The following VWA3B variants were observed in gnomAD, a reference collection of about 807,000 sequenced individuals.
VWA3B encodes the protein von Willebrand factor A domain containing 3B, also known as von Willebrand factor A domain-containing protein 3B.
A neutral mutation model predicts 158.3 loss-of-function variants in VWA3B; 138 were observed. That is an observed-to-expected ratio of 0.87 (90% CI 0.76 to 1.00). The LOEUF is 1.00. Among genes scored for constraint, VWA3B ranks in the 50% least tolerant of loss-of-function variants. VWA3B has a pLI of 0.00. For synonymous variants in VWA3B, 596 were observed against 587.3 expected, an observed-to-expected ratio of 1.01 and a Z score of -0.21; for missense variants, 1,555 against 1,565.1, an observed-to-expected ratio of 0.99 and a Z score of 0.11.
rs919869481 is a variant in VWA3B at position 98,179,563 on chromosome 2, C to T, written c.1115-1453C>T. On this transcript the variant is annotated intron_variant, in intron 8 of 27. Coordinates refer to ENST00000477737, the MANE Select transcript of VWA3B (RefSeq NM_144992.5). ...AGGGGAGGCAGCCTCCTAGCCTTCG[C>T]GTGTTGATCGCCTCCACCTCATCAC... is the stretch of plus-strand genomic sequence containing the variant. Among the ~76,000 whole-genome samples, 3 of 152,176 alleles carry T rather than the reference C, an allele frequency of 2.0e-5. No homozygotes were observed. In the South Asian group the frequency reaches 6.2e-4, roughly 31 times the overall value.
chr2:98,227,169 C>T (rs1684979112), intron 14 of VWA3B, among the ~76,000 whole-genome samples: 1 of 152,168 alleles, frequency 6.6e-6, no homozygotes, highest in Admixed American at 6.5e-5. Flanking sequence ...CCAAAAACTC[C>T]TTCAGCTGAT....
chr2:98,141,643 T>C (rs1333253683), intron 7 of VWA3B, among the ~76,000 whole-genome samples: 6 of 152,180 alleles, frequency 3.9e-5, no homozygotes, highest in Admixed American at 3.3e-4. Flanking sequence ...CAAACTCTTA[T>C]CACTGGGCAT....
intron 14 of VWA3B, among the ~76,000 whole-genome samples, chr2:98,218,512 A>G (rs184649682): frequency 6.6e-6 from 1 of 152,334 alleles, no homozygotes; most frequent in Admixed American, 6.5e-5. Flanking sequence ...TTTGTAGAAA[A>G]TGAAACAATG....
Position 98,312,053 on chromosome 2 carries a change from A to G in VWA3B, c.3735+21A>G, listed in dbSNP as rs760453797. 6 of 1,591,708 alleles carry G rather than the reference A, an allele frequency of 3.8e-6. No homozygotes were observed. In the South Asian group the frequency reaches 4.5e-5, roughly 12 times the overall value. On this transcript the variant is annotated intron_variant, in intron 27 of 27. Transcript: ENST00000477737. ...CCAGGGTTTGGGTGATGGGGGGGGAACACAACATCGCTTATCTCAGGAACA... is the reference window on the plus strand; with the variant it reads ...CCAGGGTTTGGGTGATGGGGGGGGAGCACAACATCGCTTATCTCAGGAACA...
At chr2:98,145,369 G>C (rs1225022227) in intron 7 of VWA3B, among the ~76,000 whole-genome samples, 2 of 152,140 alleles carry the variant, frequency 1.3e-5, no homozygotes, top group African/African-American at 4.8e-5. Flanking sequence ...CATGGAGTAG[G>C]TACTATTATT....
intron 20 of VWA3B, among the ~76,000 whole-genome samples, chr2:98,255,604 T>C (rs1466223037): frequency 6.6e-6 from 1 of 152,082 alleles, no homozygotes; most frequent in Admixed American, 6.5e-5. Context: ...AGCCAGCAGC[T>C]GTGGGTGAGC....
chr2:98,192,493 G>A lies in VWA3B; in HGVS notation c.1467-405G>A, dbSNP rs546324035. Among the ~76,000 whole-genome samples the A allele has an allele frequency of 1.6e-4, 24 of 152,288 alleles. No individual in the cohort carries two copies. In the South Asian group the frequency reaches 2.5e-3, roughly 16 times the overall value. On this transcript the variant is annotated intron_variant, in intron 10 of 27. Transcript: ENST00000477737. ...AGGAGAAGAAATTTCACAAGACAAC[G>A]TCATCAGTTAAGGCAGGAACAGGCC...
At chr2:98,329,846 C>T in the VWA3B span, among the ~76,000 whole-genome samples, 1 of 152,152 alleles carries the variant, frequency 6.6e-6, no homozygotes, top group African/African-American at 2.4e-5. Flanking sequence ...CATCTGTGGG[C>T]AGCAGTTCCT....
At chr2:98,165,979 C>T (rs892014240) in intron 8 of VWA3B, among the ~76,000 whole-genome samples, 21 of 152,032 alleles carry the variant, frequency 1.4e-4, no homozygotes, top group Non-Finnish European at 5.9e-5. Context: ...CTGAATTGTG[C>T]CCCCCCAGTT....
At chr2:98,303,650 A>C in intron 25 of VWA3B, 52 bp from the exon 26 acceptor site, 1 of 1,527,720 alleles carries the variant, frequency 6.5e-7, no homozygotes, top group Non-Finnish European at 9.1e-7. Context: ...TTGTATCTGA[A>C]TTGTGGACAT....
chr2:98,231,049 A>T (rs971397721), intron 16 of VWA3B, among the ~76,000 whole-genome samples: 4 of 152,222 alleles, frequency 2.6e-5, no homozygotes, highest in African/African-American at 9.6e-5. Flanking sequence ...CTCCAAATAA[A>T]ATAAAATAAT....
At chr2:98,228,830 G>A (rs529487899) in intron 15 of VWA3B, 9 of 152,234 alleles carry the variant, frequency 5.9e-5, no homozygotes, top group African/African-American at 1.9e-4. Context: ...CTAATTTGTG[G>A]TTTTTAAACA....
intron 23 of VWA3B, 50 bp from the exon 24 acceptor site, chr2:98,297,857 A>G (rs1163831673): frequency 6.9e-7 from 1 of 1,444,048 alleles, no homozygotes; most frequent in Non-Finnish European, 9.2e-7. Flanking sequence ...AGCCTAAGGG[A>G]AGGGATGTTA....
intron 12 of VWA3B, chr2:98,207,735 G>T (rs1683139197): frequency 5.4e-6 from 2 of 373,624 alleles, no homozygotes; most frequent in African/African-American, 2.1e-5. Flanking sequence ...TTATTGTGAG[G>T]GGTCTTTTTG....
At chr2:98,245,111 G>A (rs1449630846) in intron 19 of VWA3B, among the ~76,000 whole-genome samples, 3 of 152,060 alleles carry the variant, frequency 2.0e-5, no homozygotes, top group Non-Finnish European at 4.4e-5. Context: ...ATTAAAGTAG[G>A]TAATACCTTA....
In VWA3B at chr2:98,193,132, A is replaced by G; in HGVS notation, c.1605+96A>G. The G allele has an allele frequency of 6.1e-6, 9 of 1,466,768 alleles. 1 individual carries two copies. The South Asian group carries it at 6.9e-5, about 11-fold the overall frequency. 90.9% of individuals were successfully genotyped at this position (1,466,768 alleles called of 1,614,324 possible). A position where few individuals can be genotyped will look rare whatever the true frequency, so the allele number is the denominator to read the frequency against. On this transcript the variant is annotated intron_variant, in intron 11 of 27. Coordinates refer to ENST00000477737, the MANE Select transcript of VWA3B (RefSeq NM_144992.5). Reference sequence around the variant, plus strand: ...CTTGTTGCTCTAAAAAATTCCTAAGAAAGCCAAATTCAGAGAAGTACTCCC... The same window carrying G: ...CTTGTTGCTCTAAAAAATTCCTAAGGAAGCCAAATTCAGAGAAGTACTCCC...
chr2:98,148,942 A>T (rs1172242764), intron 7 of VWA3B, among the ~76,000 whole-genome samples: 1 of 152,210 alleles, frequency 6.6e-6, no homozygotes. Flanking sequence ...ATAAACGTTC[A>T]TCTTGAATGT....
intron 4 of VWA3B, 23 bp from the exon 5 acceptor site, chr2:98,121,276 C>T (rs772918000): frequency 6.2e-7 from 1 of 1,605,090 alleles, no homozygotes; most frequent in Admixed American, 1.7e-5. Flanking sequence ...TGCCCAGTGA[C>T]CACTCCATGT....
chr2:98,232,076 T>C (rs1685374689), intron 16 of VWA3B, among the ~76,000 whole-genome samples: 1 of 152,220 alleles, frequency 6.6e-6, no homozygotes, highest in East Asian at 1.9e-4. Flanking sequence ...ATGTAATTCT[T>C]CTTTGAATGT....
Sources: gnomAD v4.1 joint callset for allele counts (sites outside exome capture counted in the v4.1 genomes callset) on GRCh38, gnomAD v4.1.1 for gene constraint, MANE v1.5 for transcripts, NCBI Gene and HGNC (gene_info 2026-07-23, HGNC 2026-07-21) for gene names.